Variants in UNC13C observed in about 807,000 individuals in gnomAD.
UNC13C encodes the protein protein unc-13 homolog C.
Under a neutral mutation model 245.4 loss-of-function variants are expected in UNC13C, and 174 were observed. That is an observed-to-expected ratio of 0.71 (90% CI 0.63 to 0.80). The LOEUF (loss-of-function observed/expected upper bound fraction) is 0.80. UNC13C is among the 30% of genes least tolerant of loss of function. The probability of loss-of-function intolerance (pLI) is 0.00; values close to 1 mark genes in which losing one functional copy is unlikely to be tolerated. For missense variants in UNC13C, 2,829 were observed against 2,602.9 expected (o/e 1.09, Z -1.89); for synonymous variants, 992 against 895.1 (o/e 1.11, Z -1.93).
At chr15:54,114,306 T>A (rs1162613358) in intron 2 of UNC13C, among the ~76,000 whole-genome samples, 1 of 152,200 alleles carries the variant, frequency 6.6e-6, no homozygotes. Flanking sequence ...CTTATTTGGC[T>A]CTCTTGTCCT....
chr15:54,343,189 AG>A (rs1018962367), intron 17 of UNC13C, among the ~76,000 whole-genome samples: 7 of 150,032 alleles, frequency 4.7e-5, no homozygotes, highest in African/African-American at 1.7e-4. Context: ...ACTGGAGCGC[AG>A]TGGCGCAATC....
chr15:53,907,603 T>G, the UNC13C span, among the ~76,000 whole-genome samples: 2 of 152,180 alleles, frequency 1.3e-5, no homozygotes, highest in Admixed American at 1.3e-4. Flanking sequence ...ATATGTAATG[T>G]GGAGATAATA....
chr15:54,072,360 G>A (rs549296054), intron 2 of UNC13C, among the ~76,000 whole-genome samples: 14 of 152,114 alleles, frequency 9.2e-5, no homozygotes, highest in African/African-American at 3.4e-4. Flanking sequence ...GATAAAATTG[G>A]TAATAAACCC....
At chr15:54,245,006 A>G (rs530457768) in intron 7 of UNC13C, among the ~76,000 whole-genome samples, 2 of 152,268 alleles carry the variant, frequency 1.3e-5, no homozygotes, top group African/African-American at 4.8e-5. Flanking sequence ...ACTATGTTGA[A>G]TAGGAGTGGT....
At chr15:53,845,182 G>A in the UNC13C span, among the ~76,000 whole-genome samples, 1,266 of 151,900 alleles carry the variant, frequency 8.3e-3, 21 homozygotes, top group African/African-American at 0.029. Context: ...AAATTAGCCC[G>A]GGTGTGGTGG....
At chr15:54,476,357 G>C (rs1326442317) in intron 19 of UNC13C, among the ~76,000 whole-genome samples, 1 of 146,928 alleles carries the variant, frequency 6.8e-6, no homozygotes. Flanking sequence ...CATTGCTTTT[G>C]GTGTTTTGGA....
At chr15:53,909,076 G>A in the UNC13C span, among the ~76,000 whole-genome samples, 1 of 146,302 alleles carries the variant, frequency 6.8e-6, no homozygotes, top group African/African-American at 2.4e-5. Context: ...AGTGATAAAA[G>A]TATATTCAAT....
the UNC13C span, among the ~76,000 whole-genome samples, chr15:53,967,701 A>C: frequency 6.6e-6 from 1 of 152,200 alleles, no homozygotes; most frequent in East Asian, 1.9e-4. Flanking sequence ...AGGTGGTGGC[A>C]GAAGGGAAGG....
rs1275097163 is a variant in UNC13C at position 54,249,458 on chromosome 15, A to T, written c.3229-767A>T. On this transcript the variant is annotated intron_variant, in intron 7 of 32. Transcript: ENST00000260323. ...TATTCATTAAAAGAAATGTACCTCT[A>T]CTATGTTCCAGGGACAGTGATAAGC... Among the ~76,000 whole-genome samples the T allele has an allele frequency of 2.0e-5, 3 of 152,204 alleles. No homozygotes were observed. The East Asian group carries it at 5.8e-4, about 29-fold the overall frequency.
intron 2 of UNC13C, among the ~76,000 whole-genome samples, chr15:54,109,290 C>T (rs1366436126): frequency 1.3e-4 from 11 of 84,622 alleles, no homozygotes; most frequent in Non-Finnish European, 2.0e-4. Flanking sequence ...CCTCCCCTCC[C>T]CTCCCTTCCC....
intron 2 of UNC13C, among the ~76,000 whole-genome samples, chr15:54,100,133 A>G (rs887392777): frequency 1.3e-5 from 2 of 148,608 alleles, no homozygotes; most frequent in Non-Finnish European, 3.0e-5. Flanking sequence ...AAAAAAATTA[A>G]ATTCTCCTTG....
At chr15:54,284,600 TCAC>T (rs2037092623) in intron 10 of UNC13C, among the ~76,000 whole-genome samples, 1 of 150,974 alleles carries the variant, frequency 6.6e-6, no homozygotes, top group African/African-American at 2.4e-5. Flanking sequence ...TGAATAGAAA[TCAC>T]CACGAGCACA....
At chr15:53,846,102 G>T in the UNC13C span, among the ~76,000 whole-genome samples, 5 of 152,126 alleles carry the variant, frequency 3.3e-5, no homozygotes, top group Admixed American at 1.3e-4. Context: ...GCTAATATAA[G>T]TGTTCTCAGC....
intron 1 of UNC13C, among the ~76,000 whole-genome samples, chr15:53,982,460 G>A (rs957216145): frequency 6.6e-5 from 10 of 152,088 alleles, no homozygotes; most frequent in African/African-American, 2.4e-4. Flanking sequence ...TAATGGCTTA[G>A]GCACATTCCC....
intron 30 of UNC13C, among the ~76,000 whole-genome samples, chr15:54,602,045 C>A (rs897781494): frequency 2.7e-5 from 4 of 150,476 alleles, no homozygotes; most frequent in Non-Finnish European, 4.4e-5. Context: ...CTCGCTAGCT[C>A]CTCCCTTGGC....
intron 20 of UNC13C, among the ~76,000 whole-genome samples, chr15:54,498,034 A>T (rs939428556): frequency 6.6e-6 from 1 of 152,152 alleles, no homozygotes; most frequent in Admixed American, 6.6e-5. Context: ...TCAGCAATGA[A>T]TTGAAAAACC....
intron 2 of UNC13C, among the ~76,000 whole-genome samples, chr15:54,058,559 T>C (rs1897650930): frequency 6.6e-6 from 1 of 152,192 alleles, no homozygotes; most frequent in Admixed American, 6.5e-5. Context: ...CCATTCCTTC[T>C]GAAACTATTC....
At chr15:54,163,368 A>G (rs1212989467) in intron 4 of UNC13C, among the ~76,000 whole-genome samples, 1 of 152,194 alleles carries the variant, frequency 6.6e-6, no homozygotes, top group Non-Finnish European at 1.5e-5. Context: ...CAGAGACCTT[A>G]ATTATAGGAT....
At chr15:53,843,397 A>T in the UNC13C span, among the ~76,000 whole-genome samples, 3 of 152,156 alleles carry the variant, frequency 2.0e-5, no homozygotes, top group Non-Finnish European at 4.4e-5. Context: ...AGGAGGCAGA[A>T]GTTGCAGTGA....
Sources: allele counts gnomAD v4.1 joint callset (sites outside exome capture counted in the v4.1 genomes callset), GRCh38; gene constraint gnomAD v4.1.1; transcripts MANE v1.5; gene names NCBI Gene and HGNC (gene_info 2026-07-23, HGNC 2026-07-21).